The following PLCXD1 variants were observed in gnomAD, a reference collection of about 807,000 sequenced individuals.
PLCXD1 encodes the protein PI-PLC X domain-containing protein 1.
PLCXD1 carries 45 observed loss-of-function variants against 37.8 expected under a neutral mutation model. The observed-to-expected ratio is 1.19, with a 90% CI of 0.94 to 1.53. The LOEUF (loss-of-function observed/expected upper bound fraction) is 1.53, where lower values mean the gene tolerates loss of function less well. Among genes scored for constraint, PLCXD1 ranks in the 40% most tolerant of loss-of-function variants. PLCXD1 has a pLI of 0.00. For synonymous variants in PLCXD1, 246 were observed against 206.9 expected (o/e 1.19, Z -1.62); for missense variants, 539 against 454.7 (o/e 1.19, Z -1.69).
intron 2 of PLCXD1, among the ~76,000 whole-genome samples, chrX:287,689 A>G (rs1366184007): frequency 1.3e-4 from 18 of 141,940 alleles, no homozygotes; most frequent in East Asian, 8.3e-4. Context: ...CTTTGTTTAT[A>G]GATATAGATA....
intron 5 of PLCXD1, among the ~76,000 whole-genome samples, chrX:292,612 T>C (rs184933197): frequency 6.6e-6 from 1 of 151,070 alleles, no homozygotes; most frequent in African/African-American, 2.4e-5. Context: ...CTGGCCATAC[T>C]TAATTTATTT....
chrX:292,039 C>A (rs7889587), intron 5 of PLCXD1, among the ~76,000 whole-genome samples: 8 of 151,906 alleles, frequency 5.3e-5, no homozygotes, highest in Admixed American at 5.2e-4. Context: ...TGGTGGCTCA[C>A]GCTTGTCATC....
chrX:285,495 C>A (rs1351640843), intron 2 of PLCXD1, among the ~76,000 whole-genome samples: 4 of 152,112 alleles, frequency 2.6e-5, no homozygotes, highest in African/African-American at 7.2e-5. Context: ...CGCAGAGACA[C>A]GTCTATGCAA....
Position 294,350 on chromosome X carries a change from C to T in PLCXD1, c.733+1132C>T, listed in dbSNP as rs373428773. ...ACAAAAAATTAGCCGGGCGTGGTGG[C>T]GGGCGCCTGTAATCCCAGCTACTCC... is the stretch of plus-strand genomic sequence containing the variant. On this transcript the variant is annotated intron_variant, in intron 6 of 6. Coordinates refer to ENST00000381657, the MANE Select transcript of PLCXD1 (RefSeq NM_018390.4). 1.2e-3 allele frequency among the ~76,000 whole-genome samples: 181 copies of T among 152,024 alleles called. 2 individuals carry two copies. In the East Asian group the frequency reaches 0.023, roughly 19 times the overall value.
chrX:291,772 C>T (rs1413109244), intron 5 of PLCXD1, 118 bp downstream of exon 5: 29 of 1,139,946 alleles, frequency 2.5e-5, no homozygotes, highest in South Asian at 2.7e-5. Context: ...CAGGTGAAGC[C>T]GTCGAACGGG....
chrX:278,243 G>T (rs2069193702), upstream of PLCXD1, among the ~76,000 whole-genome samples: 1 of 148,684 alleles, frequency 6.7e-6, no homozygotes, highest in Non-Finnish European at 1.5e-5. Context: ...TGATGAAGGT[G>T]ACGGGAGGGG....
At chrX:293,006 C>T (rs895961384) in intron 5 of PLCXD1, 29 bp from the exon 6 acceptor site, 15 of 1,562,710 alleles carry the variant, frequency 9.6e-6, no homozygotes, top group Non-Finnish European at 1.3e-5. Context: ...CCTCTCTCCC[C>T]TGCACCCCTT....
chrX:277,371 G>A (rs1463432776), upstream of PLCXD1, among the ~76,000 whole-genome samples: 1 of 123,948 alleles, frequency 8.1e-6, no homozygotes, highest in Non-Finnish European at 1.8e-5. Context: ...GGGGACAGGA[G>A]GGGACACCCC....
chrX:284,303 T>G lies in PLCXD1; in HGVS notation c.116T>G (p.Leu39Arg), dbSNP rs1569564402. Residue 39 changes from leucine (L) to arginine (R), a missense_variant, in exon 2 of 7, where the codon CTC becomes CGC. Physicochemically the swap from Leu to Arg is moderately radical, Grantham distance 102. Transcript: ENST00000381657. ...CTCTGGGATGTGCCCCTCCACCACC[T>G]CTCCATCCCAGGTGAGGTTGGGGTG... ...PRLWDVPLHH[L>R]SIPGSHDTMT... 5.0e-6 allele frequency: 8 copies of G among 1,612,966 alleles called. No individual in the cohort carries two copies. Among genetic ancestry groups the G allele is most frequent in the Admixed American group, 1.7e-5 (1 of 59,974 alleles).
chrX:295,103 A>C (rs2069761851), intron 6 of PLCXD1, among the ~76,000 whole-genome samples: 1 of 149,644 alleles, frequency 6.7e-6, no homozygotes, highest in Admixed American at 6.7e-5. Flanking sequence ...CCGGGGGCGG[A>C]GGCTGCCGTG....
intron 3 of PLCXD1, among the ~76,000 whole-genome samples, chrX:289,161 C>G (rs756459716): frequency 6.6e-6 from 1 of 152,244 alleles, no homozygotes; most frequent in African/African-American, 2.4e-5. Flanking sequence ...GATCTCGGCT[C>G]ACTGCAACCT....
At chrX:280,332 G>T (rs765634310), upstream of PLCXD1, among the ~76,000 whole-genome samples, 2 of 86,980 alleles carry the variant, frequency 2.3e-5, no homozygotes, top group Non-Finnish European at 4.7e-5. Context: ...CCGTGCAGGG[G>T]GAGGGGAGGC....
chrX:285,322 G>A (rs1304715184), intron 2 of PLCXD1, among the ~76,000 whole-genome samples: 1 of 151,770 alleles, frequency 6.6e-6, no homozygotes, highest in Non-Finnish European at 1.5e-5. Flanking sequence ...ACATGTGCGG[G>A]TGTGTACACA....
At chrX:286,345 A>G (rs1266726838) in intron 2 of PLCXD1, among the ~76,000 whole-genome samples, 1 of 152,078 alleles carries the variant, frequency 6.6e-6, no homozygotes, top group African/African-American at 2.4e-5. Flanking sequence ...CATTGCAGAC[A>G]TGAGCTATTG....
chrX:299,726 C>T lies in PLCXD1; in HGVS notation c.*391C>T. The T allele has an allele frequency of 1.1e-5, 3 of 275,288 alleles. No homozygotes were observed. The highest frequency in any genetic ancestry group is 1.0e-4 in the South Asian group (2 of 19,862). 17.1% of individuals were successfully genotyped at this position (275,288 alleles called of 1,614,324 possible). On this transcript the variant is annotated 3_prime_UTR_variant, in exon 7 of 7. Coordinates refer to ENST00000381657, the MANE Select transcript of PLCXD1 (RefSeq NM_018390.4). ...GAGCTGACATCGTGCCACTGCACTCCAGTCTGAATGATAGACCGAGACTCC... is the reference window on the plus strand; with the variant it reads ...GAGCTGACATCGTGCCACTGCACTCTAGTCTGAATGATAGACCGAGACTCC...
chrX:299,475 G>T lies in PLCXD1; in HGVS notation c.*140G>T. The T allele has an allele frequency of 2.8e-6, 2 of 718,146 alleles. No individual in the cohort carries two copies. The highest frequency in any genetic ancestry group is 4.8e-6 in the Non-Finnish European group (2 of 416,148). 44.5% of individuals were successfully genotyped at this position (718,146 alleles called of 1,614,324 possible). A position where few individuals can be genotyped will look rare whatever the true frequency, so the allele number is the denominator to read the frequency against. On this transcript the variant is annotated 3_prime_UTR_variant, in exon 7 of 7. Transcript: ENST00000381657. Reference sequence around the variant, plus strand: ...TTTCATTTTCTTTAAAATAGAGATGGGGTGGCTGGGCGTGGTGACTTCGCC... The same window carrying T: ...TTTCATTTTCTTTAAAATAGAGATGTGGTGGCTGGGCGTGGTGACTTCGCC...
chrX:298,837 GTCTA>G (rs1228102068), intron 6 of PLCXD1, among the ~76,000 whole-genome samples: 2 of 145,910 alleles, frequency 1.4e-5, no homozygotes, highest in Non-Finnish European at 3.0e-5. Context: ...CCATTATTCT[GTCTA>G]TCACATGGGG....
chrX:295,158 G>C (rs2069763531), intron 6 of PLCXD1, among the ~76,000 whole-genome samples: 1 of 150,720 alleles, frequency 6.6e-6, no homozygotes, highest in Non-Finnish European at 1.5e-5. Flanking sequence ...AACAGAGCGA[G>C]ACTCCATCTT....
intron 6 of PLCXD1, among the ~76,000 whole-genome samples, chrX:293,723 C>A (rs2069712706): frequency 6.6e-6 from 1 of 152,150 alleles, no homozygotes; most frequent in Admixed American, 6.5e-5. Context: ...GACAAGGATG[C>A]AGCGGGCACA....
Sources: gnomAD v4.1 joint callset for allele counts (sites outside exome capture counted in the v4.1 genomes callset) on GRCh38, gnomAD v4.1.1 for gene constraint, MANE v1.5 for transcripts, NCBI Gene and HGNC (gene_info 2026-07-23, HGNC 2026-07-21) for gene names.